HIBADH: variants seen among roughly 807,000 people sequenced by gnomAD.
The protein encoded by HIBADH is 3-hydroxyisobutyrate dehydrogenase, mitochondrial.
HIBADH carries 25 observed loss-of-function variants against 36.1 expected under a neutral mutation model. That is an observed-to-expected ratio of 0.69 (90% CI 0.50 to 0.97). HIBADH has a LOEUF of 0.97. Ranked by LOEUF, HIBADH falls within the 50% of genes least tolerant of loss-of-function variation. The probability of loss-of-function intolerance (pLI) is 0.00; values close to 1 mark genes in which losing one functional copy is unlikely to be tolerated. For missense variants in HIBADH, 421 were observed against 418.0 expected (o/e 1.01, Z -0.06); for synonymous variants, 160 against 149.5 (o/e 1.07, Z -0.51).
chr7:27,567,594 A>G (rs868041860), intron 4 of HIBADH, among the ~76,000 whole-genome samples: 63 of 152,122 alleles, frequency 4.1e-4, no homozygotes, highest in African/African-American at 1.3e-3. Flanking sequence ...CAGTATTTGA[A>G]TATTTCTTTG....
rs756011016 is a variant in HIBADH, at chr7:27,647,645, T to A, written c.252+1828A>T. The A allele has an allele frequency of 2.9e-5, 10 of 338,990 alleles. 1 individual carries two copies. The highest frequency in any genetic ancestry group is 2.3e-4 in the Admixed American group (6 of 26,298). 21.0% of individuals were successfully genotyped at this position (338,990 alleles called of 1,614,324 possible). ...TCCTTCATGCAGGGATAAGCCTTATTCTTAAGGCAGCCTTCCTTCATACCT... is the reference window on the plus strand; with the variant it reads ...TCCTTCATGCAGGGATAAGCCTTATACTTAAGGCAGCCTTCCTTCATACCT... On this transcript the variant is annotated intron_variant, in intron 2 of 7. Coordinates refer to ENST00000265395, the MANE Select transcript of HIBADH (RefSeq NM_152740.4).
chr7:27,662,639 G>A, intron 1 of HIBADH, 59 bp downstream of exon 1: 1 of 1,095,620 alleles, frequency 9.1e-7, no homozygotes, highest in Non-Finnish European at 1.2e-6. Context: ...TCGGCCGTCT[G>A]GACAGAAGAA....
intron 4 of HIBADH, among the ~76,000 whole-genome samples, chr7:27,553,475 A>G (rs1784348338): frequency 6.6e-6 from 1 of 152,226 alleles, no homozygotes; most frequent in African/African-American, 2.4e-5. Flanking sequence ...CCTTGCCTGA[A>G]TTCAGATAAA....
At chr7:27,535,067 CAT>C (rs1337820945) in intron 6 of HIBADH, among the ~76,000 whole-genome samples, 2 of 148,404 alleles carry the variant, frequency 1.3e-5, no homozygotes, top group Admixed American at 1.3e-4. Flanking sequence ...AGTACGATGG[CAT>C]TTTATGAGTT....
Position 27,573,979 on chromosome 7 carries a change from T to C in HIBADH, c.485-30879A>G, listed in dbSNP as rs375299880. Among the ~76,000 whole-genome samples the C allele has an allele frequency of 1.4e-4, 21 of 152,350 alleles. 1 individual carries two copies. Among genetic ancestry groups the C allele is most frequent in the Admixed American group, 3.3e-4 (5 of 15,290 alleles). On this transcript the variant is annotated intron_variant, in intron 4 of 7. Coordinates refer to ENST00000265395, the MANE Select transcript of HIBADH (RefSeq NM_152740.4). Reference sequence around the variant, plus strand: ...TTTAAATTACACATGTGGCTTATATTACATTTCTATTGGACAGTGCTACTT... The same window carrying C: ...TTTAAATTACACATGTGGCTTATATCACATTTCTATTGGACAGTGCTACTT...
At chr7:27,640,341 GGCAACAAA>G (rs1217291020) in intron 2 of HIBADH, among the ~76,000 whole-genome samples, 3 of 152,106 alleles carry the variant, frequency 2.0e-5, no homozygotes, top group Non-Finnish European at 4.4e-5. Context: ...GCCCAGCCTG[GGCAACAAA>G]GCAAAACCCT....
intron 6 of HIBADH, among the ~76,000 whole-genome samples, chr7:27,534,941 A>G (rs1166445472): frequency 6.6e-6 from 1 of 150,756 alleles, no homozygotes; most frequent in Non-Finnish European, 1.5e-5. Context: ...TAAATGAGAA[A>G]AGCTTAAGTC....
chr7:27,617,107 C>T (rs1785445762), intron 4 of HIBADH, among the ~76,000 whole-genome samples: 1 of 147,536 alleles, frequency 6.8e-6, no homozygotes, highest in African/African-American at 2.5e-5. Context: ...GAGCAATTTC[C>T]AGACTCACAA....
intron 2 of HIBADH, among the ~76,000 whole-genome samples, chr7:27,637,941 A>G (rs1785871453): frequency 6.6e-6 from 1 of 152,224 alleles, no homozygotes; most frequent in African/African-American, 2.4e-5. Flanking sequence ...CAGAGATGAC[A>G]CAAACATTCC....
chr7:27,635,876 T>C (rs188175752), intron 2 of HIBADH, among the ~76,000 whole-genome samples: 1 of 152,352 alleles, frequency 6.6e-6, no homozygotes, highest in Admixed American at 6.5e-5. Context: ...TATCTCAATT[T>C]TGACTACAGG....
intron 4 of HIBADH, among the ~76,000 whole-genome samples, chr7:27,599,323 C>A (rs1785084486): frequency 6.6e-6 from 1 of 152,106 alleles, no homozygotes; most frequent in South Asian, 2.1e-4. Context: ...ATAGCAGAGC[C>A]AATTAGATCA....
At chr7:27,550,560 A>G (rs890567596) in intron 4 of HIBADH, among the ~76,000 whole-genome samples, 14 of 152,162 alleles carry the variant, frequency 9.2e-5, no homozygotes, top group African/African-American at 3.4e-4. Context: ...GTTCCCTCAC[A>G]TGAAATACCC....
chr7:27,536,125 C>T (rs889204650), intron 6 of HIBADH, among the ~76,000 whole-genome samples: 1 of 152,088 alleles, frequency 6.6e-6, no homozygotes, highest in Non-Finnish European at 1.5e-5. Context: ...CTCAATAAAT[C>T]GTGGCCGTTC....
chr7:27,661,886 C>T (rs761339880), intron 1 of HIBADH, among the ~76,000 whole-genome samples: 2 of 152,066 alleles, frequency 1.3e-5, no homozygotes, highest in Non-Finnish European at 2.9e-5. Context: ...CTGGGAATAT[C>T]CTGATTCACT....
intron 4 of HIBADH, among the ~76,000 whole-genome samples, chr7:27,616,958 C>T (rs984851804): frequency 6.6e-6 from 1 of 152,098 alleles, no homozygotes; most frequent in African/African-American, 2.4e-5. Context: ...AAAAATGTTA[C>T]AGTAAGCTGA....
intron 4 of HIBADH, among the ~76,000 whole-genome samples, chr7:27,559,240 C>T (rs1393270263): frequency 6.6e-6 from 1 of 152,132 alleles, no homozygotes; most frequent in Non-Finnish European, 1.5e-5. Flanking sequence ...ACCGTATCTC[C>T]AAGATGGTCA....
At chr7:27,612,805 G>A (rs1180418874) in intron 4 of HIBADH, among the ~76,000 whole-genome samples, 4 of 149,886 alleles carry the variant, frequency 2.7e-5, no homozygotes, top group African/African-American at 9.8e-5. Context: ...GCATGGTGGT[G>A]CATGCCTATA....
chr7:27,601,518 T>C (rs139479214), intron 4 of HIBADH, among the ~76,000 whole-genome samples: 9 of 152,240 alleles, frequency 5.9e-5, no homozygotes, highest in African/African-American at 1.9e-4. Context: ...TGTTGAATAC[T>C]GAAATTCTCA....
At chr7:27,582,102 C>G (rs1784801805) in intron 4 of HIBADH, among the ~76,000 whole-genome samples, 1 of 152,148 alleles carries the variant, frequency 6.6e-6, no homozygotes, top group Non-Finnish European at 1.5e-5. Context: ...AGAACTATCA[C>G]TTGTCTATTC....
Sources: gnomAD v4.1 joint callset for allele counts (sites outside exome capture counted in the v4.1 genomes callset) on GRCh38, gnomAD v4.1.1 for gene constraint, MANE v1.5 for transcripts, NCBI Gene and HGNC (gene_info 2026-07-23, HGNC 2026-07-21) for gene names.